Variants in PDE1C observed in about 807,000 individuals in gnomAD.
PDE1C encodes phosphodiesterase 1C.
A neutral mutation model predicts 93.1 loss-of-function variants in PDE1C; 62 were observed. That is an observed-to-expected ratio of 0.67 (90% CI 0.54 to 0.82). The LOEUF is 0.82. Among genes scored for constraint, PDE1C ranks in the 40% least tolerant of loss-of-function variants. The pLI, the probability that PDE1C is intolerant of heterozygous loss-of-function variation, is 0.00. For synonymous variants in PDE1C, 325 were observed against 310.1 expected, an observed-to-expected ratio of 1.05 and a Z score of -0.50; for missense variants, 742 against 884.6, an observed-to-expected ratio of 0.84 and a Z score of 2.04.
At chr7:32,076,645 A>G in intron 3 of PDE1C, among the ~76,000 whole-genome samples, 1 of 149,646 alleles carries the variant, frequency 6.7e-6, no homozygotes, top group South Asian at 2.1e-4. Context: ...TCCATCTCAA[A>G]AAAAAAAAAA....
At chr7:32,229,896 T>C (rs1807567316) in intron 1 of PDE1C, among the ~76,000 whole-genome samples, 2 of 152,194 alleles carry the variant, frequency 1.3e-5, no homozygotes, top group South Asian at 2.1e-4. Context: ...GTCTCAACTT[T>C]CTTTTGCAGC....
intron 2 of PDE1C, among the ~76,000 whole-genome samples, chr7:31,887,253 T>C (rs1334574294): frequency 3.3e-5 from 5 of 152,188 alleles, no homozygotes; most frequent in Non-Finnish European, 5.9e-5. Context: ...TTTTGGGGCA[T>C]GCGGTTTCCT....
intron 16 of PDE1C, among the ~76,000 whole-genome samples, chr7:31,779,551 G>A (rs1207987202): frequency 3.3e-5 from 5 of 152,166 alleles, no homozygotes; most frequent in African/African-American, 1.2e-4. Flanking sequence ...AGGCCTTCTG[G>A]AAATGCTGTT....
intron 2 of PDE1C, among the ~76,000 whole-genome samples, chr7:32,199,006 C>CCAG (rs1804816017): frequency 1.3e-5 from 2 of 152,068 alleles, no homozygotes; most frequent in South Asian, 4.2e-4. Flanking sequence ...GCCTGTAGTC[C>CCAG]CAGCTACTTG....
intron 12 of PDE1C, 65 bp from the exon 13 acceptor site, chr7:31,825,052 G>A: frequency 6.3e-7 from 1 of 1,593,604 alleles, no homozygotes. Flanking sequence ...ATACTTTCCA[G>A]AAGAAACTGA....
At chr7:32,281,001 T>C (rs890867353) in intron 1 of PDE1C, among the ~76,000 whole-genome samples, 3 of 151,904 alleles carry the variant, frequency 2.0e-5, no homozygotes, top group African/African-American at 4.8e-5. Context: ...AATTTAAAAA[T>C]AAAGAGGAAA....
chr7:31,741,312 TA>T, the PDE1C span, among the ~76,000 whole-genome samples: 4 of 152,206 alleles, frequency 2.6e-5, no homozygotes, highest in Non-Finnish European at 5.9e-5. Context: ...TACATCTTTC[TA>T]AAGTTTCATA....
intron 1 of PDE1C, among the ~76,000 whole-genome samples, chr7:32,421,932 A>G (rs968075553): frequency 6.6e-6 from 1 of 152,144 alleles, no homozygotes; most frequent in South Asian, 2.1e-4. Flanking sequence ...TTCTGCCCCA[A>G]ATTGAGACTG....
intron 8 of PDE1C, among the ~76,000 whole-genome samples, chr7:31,848,718 T>A (rs1007702470): frequency 6.6e-6 from 1 of 152,192 alleles, no homozygotes; most frequent in Non-Finnish European, 1.5e-5. Context: ...TTAAATTTAA[T>A]GAAAGCTTAG....
At chr7:32,043,094 T>C (rs1400045775) in intron 2 of PDE1C, among the ~76,000 whole-genome samples, 3 of 152,158 alleles carry the variant, frequency 2.0e-5, no homozygotes, top group African/African-American at 4.8e-5. Context: ...GAAGATGAGA[T>C]GTTACTGGCA....
chr7:32,096,900 A>G (rs1797784867), intron 3 of PDE1C, among the ~76,000 whole-genome samples: 1 of 152,012 alleles, frequency 6.6e-6, no homozygotes, highest in East Asian at 1.9e-4. Flanking sequence ...GAGATTTATT[A>G]TAACAAATTG....
intron 2 of PDE1C, among the ~76,000 whole-genome samples, chr7:31,886,795 G>GGATCTATTCAGAATAGATCTTTTCA (rs1797951040): frequency 5.5e-5 from 2 of 36,124 alleles, no homozygotes; most frequent in Admixed American, 2.9e-4. Context: ...AGATCTTTTC[G>GGATCTATTCAGAATAGATCTTTTCA]GATCTTTTCA....
chr7:32,273,433 T>C (rs1811089950), intron 1 of PDE1C, among the ~76,000 whole-genome samples: 1 of 152,224 alleles, frequency 6.6e-6, no homozygotes. Context: ...AGTAAAAGTA[T>C]GGCTGGGCTA....
chr7:32,012,107 C>T (rs1245371508), intron 2 of PDE1C, among the ~76,000 whole-genome samples: 1 of 152,138 alleles, frequency 6.6e-6, no homozygotes, highest in Non-Finnish European at 1.5e-5. Context: ...GTTAATTTCA[C>T]ATAACTATAA....
At chr7:32,154,383 T>C (rs764627842) in intron 3 of PDE1C, among the ~76,000 whole-genome samples, 1 of 152,156 alleles carries the variant, frequency 6.6e-6, no homozygotes, top group Non-Finnish European at 1.5e-5. Context: ...CACAAGAAGC[T>C]GCAAAAATGG....
intron 3 of PDE1C, among the ~76,000 whole-genome samples, chr7:32,128,906 AATATAT>A (rs763801947): frequency 0.038 from 2,099 of 55,686 alleles, 74 homozygotes; most frequent in South Asian, 0.081. Flanking sequence ...AAGTATAACA[AATATAT>A]ATATATATAT....
chr7:31,935,550 C>T (rs190459061), intron 2 of PDE1C, among the ~76,000 whole-genome samples: 16 of 152,208 alleles, frequency 1.1e-4, no homozygotes, highest in Middle Eastern at 3.4e-3. Context: ...ATGATACAAG[C>T]GCACATTCAT....
chr7:31,648,495 G>A, the PDE1C span, among the ~76,000 whole-genome samples: 2 of 152,012 alleles, frequency 1.3e-5, no homozygotes, highest in South Asian at 4.2e-4. Flanking sequence ...GAAGATGGCA[G>A]CATTTCAGAA....
At chr7:32,111,459 G>T (rs62458871) in intron 3 of PDE1C, among the ~76,000 whole-genome samples, 30,851 of 152,186 alleles carry the variant, frequency 0.2, 3,783 homozygotes, top group Middle Eastern at 0.31. Flanking sequence ...ATGAGATGGT[G>T]CAGGAAACAG....
Sources: allele counts gnomAD v4.1 joint callset (sites outside exome capture counted in the v4.1 genomes callset), GRCh38; gene constraint gnomAD v4.1.1; transcripts MANE v1.5; gene names NCBI Gene and HGNC (gene_info 2026-07-23, HGNC 2026-07-21).